Variants in GLRX5 observed in about 807,000 individuals in gnomAD.
GLRX5 encodes glutaredoxin 5.
A neutral mutation model predicts 13.8 loss-of-function variants in GLRX5; 10 were observed. The ratio of observed to expected loss-of-function variants is 0.72; its 90% CI spans 0.45 to 1.23. The LOEUF is 1.23. Ranked by LOEUF, GLRX5 falls within the 50% of genes most tolerant of loss-of-function variation. GLRX5 has a pLI of 0.00. For synonymous variants in GLRX5, 98 were observed against 101.1 expected (o/e 0.97, Z 0.18); for missense variants, 233 against 215.2 (o/e 1.08, Z -0.52).
At chr14:95,543,637 T>C (rs1200027772) in intron 1 of GLRX5, 21 of 367,490 alleles carry the variant, frequency 5.7e-5, no homozygotes, top group Non-Finnish European at 4.1e-5. Context: ...TCAGGTATTT[T>C]ACTGAGAATC....
chr14:95,544,011 G>A lies in GLRX5; in HGVS notation c.360G>A (p.Gly120=), dbSNP rs779672711. The A allele has an allele frequency of 1.2e-6, 2 of 1,614,070 alleles. No homozygotes were observed. Among genetic ancestry groups the A allele is most frequent in the South Asian group, 2.2e-5 (2 of 91,078 alleles). Residue 120 remains glycine, a synonymous_variant, in exon 2 of 2, where the codon GGG becomes GGA. Coordinates refer to ENST00000331334, the MANE Select transcript of GLRX5 (RefSeq NM_016417.3). ...PQVYLNGEFV[G]GCDILLQMHQ... is the part of the protein sequence containing the mutation. ...TGTACCTCAATGGCGAGTTTGTAGG[G>A]GGCTGTGACATTCTTCTGCAGATGC...
rs749077775 is a variant in GLRX5, at chr14:95,544,135, A to C, written c.*10A>C. ...CCAAGACTCCAAGTGAGGGCGGCCAAGTCCTCGCTGAGCAGAGAGGGAGCC... is the reference window on the plus strand; with the variant it reads ...CCAAGACTCCAAGTGAGGGCGGCCACGTCCTCGCTGAGCAGAGAGGGAGCC... On this transcript the variant is annotated 3_prime_UTR_variant, in exon 2 of 2. Transcript: ENST00000331334. 3.7e-6 allele frequency: 6 copies of C among 1,610,988 alleles called. No homozygotes were observed. The highest frequency in any genetic ancestry group is 5.1e-6 in the Non-Finnish European group (6 of 1,177,502).
intron 1 of GLRX5, among the ~76,000 whole-genome samples, chr14:95,541,316 T>TTTA (rs1229539369): frequency 1.3e-5 from 2 of 152,198 alleles, no homozygotes; most frequent in Admixed American, 1.3e-4. Context: ...AGAGTAGTCT[T>TTTA]TTATTATTAT....
chr14:95,535,357 G>A lies in GLRX5; in HGVS notation c.268G>A (p.Val90Met), dbSNP rs994107542. The part of the protein sequence containing the change: ...HGVRDYAAYN[V>M]LDDPELRQGI... ...CGTCCGCGATTACGCGGCCTACAACGTGCTGGACGACCCGGAGCTCCGACA... is the reference window on the plus strand; with the variant it reads ...CGTCCGCGATTACGCGGCCTACAACATGCTGGACGACCCGGAGCTCCGACA... The change falls in exon 1 of 2, where the codon GTG (valine) becomes ATG (methionine). Residue 90 changes from valine (V) to methionine (M), a missense_variant. Physicochemically the swap from Val to Met is conservative, Grantham distance 21. Transcript: ENST00000331334. The A allele has an allele frequency of 2.4e-5, 37 of 1,552,418 alleles. No individual in the cohort carries two copies. The highest frequency in any genetic ancestry group is 3.0e-5 in the Non-Finnish European group (35 of 1,148,336).
intron 1 of GLRX5, among the ~76,000 whole-genome samples, chr14:95,541,080 C>T (rs1891466278): frequency 6.6e-6 from 1 of 152,176 alleles, no homozygotes; most frequent in African/African-American, 2.4e-5. Context: ...ATGGAATCAC[C>T]ACCGTCTATC....
intron 1 of GLRX5, among the ~76,000 whole-genome samples, chr14:95,541,668 C>G (rs534133491): frequency 6.6e-6 from 1 of 152,288 alleles, no homozygotes; most frequent in East Asian, 1.9e-4. Flanking sequence ...CTCCCCTTCT[C>G]TCGTAGTCAG....
intron 1 of GLRX5, chr14:95,543,624 G>GT (rs1225738484): frequency 1.9e-5 from 7 of 365,228 alleles, no homozygotes; most frequent in Non-Finnish European, 3.6e-5. Flanking sequence ...GGTCCGCAAT[G>GT]TATCAGGTAT....
chr14:95,536,245 G>T (rs770692221), intron 1 of GLRX5, among the ~76,000 whole-genome samples: 1 of 152,158 alleles, frequency 6.6e-6, no homozygotes, highest in Non-Finnish European at 1.5e-5. Flanking sequence ...ACGTGCATTC[G>T]CCAGTCTTAT....
At chr14:95,542,685 G>T (rs1891491650) in intron 1 of GLRX5, among the ~76,000 whole-genome samples, 1 of 152,100 alleles carries the variant, frequency 6.6e-6, no homozygotes. Flanking sequence ...ACAATCTGTT[G>T]ACTTTTCCGT....
In GLRX5 at chr14:95,544,166, T is replaced by C; in HGVS notation, c.*41T>C. 6.4e-7 allele frequency: 1 copy of C among 1,560,818 alleles called. No individual in the cohort carries two copies. Among genetic ancestry groups the C allele is most frequent in the Non-Finnish European group, 8.8e-7 (1 of 1,135,598 alleles). On this transcript the variant is annotated 3_prime_UTR_variant, in exon 2 of 2. Coordinates refer to ENST00000331334, the MANE Select transcript of GLRX5 (RefSeq NM_016417.3). ...CGCTGAGCAGAGAGGGAGCCGTTCATGTCAGAGACTCACTGCCAGAAAAGC... is the reference window on the plus strand; with the variant it reads ...CGCTGAGCAGAGAGGGAGCCGTTCACGTCAGAGACTCACTGCCAGAAAAGC...
Position 95,544,170 on chromosome 14 carries a change from A to G in GLRX5, c.*45A>G, listed in dbSNP as rs546221456. On this transcript the variant is annotated 3_prime_UTR_variant, in exon 2 of 2. Transcript: ENST00000331334. ...GAGCAGAGAGGGAGCCGTTCATGTC[A>G]GAGACTCACTGCCAGAAAAGCCTTA... 65 of 1,543,228 alleles carry G rather than the reference A, an allele frequency of 4.2e-5. 2 individuals carry two copies. The South Asian group carries it at 7.1e-4, about 17-fold the overall frequency.
intron 1 of GLRX5, among the ~76,000 whole-genome samples, chr14:95,539,026 C>T (rs1329894495): frequency 6.6e-6 from 1 of 152,208 alleles, no homozygotes; most frequent in Non-Finnish European, 1.5e-5. Context: ...AGCTTTACCG[C>T]CTGAGCTCCG....
At chr14:95,542,307 T>C (rs2139651009) in intron 1 of GLRX5, among the ~76,000 whole-genome samples, 1 of 152,378 alleles carries the variant, frequency 6.6e-6, no homozygotes, top group African/African-American at 2.4e-5. Flanking sequence ...GAATTTACCC[T>C]TTATTGGCAG....
At chr14:95,541,533 G>C (rs1324661835) in intron 1 of GLRX5, among the ~76,000 whole-genome samples, 1 of 152,232 alleles carries the variant, frequency 6.6e-6, no homozygotes, top group East Asian at 1.9e-4. Context: ...GTCAGCTGCT[G>C]TCAAGAACAG....
intron 1 of GLRX5, among the ~76,000 whole-genome samples, chr14:95,536,188 C>G (rs951088018): frequency 6.6e-6 from 1 of 152,032 alleles, no homozygotes; most frequent in African/African-American, 2.4e-5. Context: ...TGGATTAGGC[C>G]GGGAGAGGGA....
In GLRX5 at chr14:95,535,197, G is replaced by GGGC. The variant is rs750771696; in HGVS notation, c.118_120dup (p.Gly40dup). ...GCGTGCGGGCGGCGGGCTCGGGCGCGGGCGGCGGCGGCTCGGCGGAGCAGT... is the reference window on the plus strand; with the variant it reads ...GCGTGCGGGCGGCGGGCTCGGGCGCGGGCGGCGGCGGCGGCTCGGCGGAGCAGT... On this transcript the variant is annotated inframe_insertion, in exon 1 of 2. Coordinates refer to ENST00000331334, the MANE Select transcript of GLRX5 (RefSeq NM_016417.3). The GGGC allele has an allele frequency of 1.5e-5, 23 of 1,503,684 alleles. No individual in the cohort carries two copies. The highest frequency in any genetic ancestry group is 2.3e-4 in the Middle Eastern group (1 of 4,258). 93.1% of individuals were successfully genotyped at this position (1,503,684 alleles called of 1,614,324 possible).
intron 1 of GLRX5, among the ~76,000 whole-genome samples, chr14:95,536,661 T>C: frequency 6.6e-6 from 1 of 152,142 alleles, no homozygotes; most frequent in African/African-American, 2.4e-5. Flanking sequence ...AAAGTAAAAA[T>C]TATAGAAAGT....
At chr14:95,543,341 T>TAAAAAAAA (rs3071412) in intron 1 of GLRX5, 69 of 315,780 alleles carry the variant, frequency 2.2e-4, no homozygotes, top group African/African-American at 1.4e-3. Flanking sequence ...TGTTAAAAAT[T>TAAAAAAAA]AAAAAAAAAA....
intron 1 of GLRX5, chr14:95,543,341 T>TAAAAAAA (rs3071412): frequency 1.3e-5 from 4 of 315,712 alleles, no homozygotes; most frequent in African/African-American, 4.5e-5. Flanking sequence ...TGTTAAAAAT[T>TAAAAAAA]AAAAAAAAAA....
Sources: allele counts gnomAD v4.1 joint callset (sites outside exome capture counted in the v4.1 genomes callset), GRCh38; gene constraint gnomAD v4.1.1; transcripts MANE v1.5; gene names NCBI Gene and HGNC (gene_info 2026-07-23, HGNC 2026-07-21).